CCDC148: variants seen among roughly 807,000 people sequenced by gnomAD.
CCDC148 encodes the protein coiled-coil domain containing 148.
A neutral mutation model predicts 85.7 loss-of-function variants in CCDC148; 89 were observed. The ratio of observed to expected loss-of-function variants is 1.04; its 90% CI spans 0.87 to 1.24. The LOEUF is 1.24. CCDC148 is among the 50% of genes most tolerant of loss of function. The probability of loss-of-function intolerance (pLI) is 0.00; values close to 1 mark genes in which losing one functional copy is unlikely to be tolerated. For synonymous variants in CCDC148, 230 were observed against 213.9 expected (o/e 1.08, Z -0.66); for missense variants, 692 against 671.7 (o/e 1.03, Z -0.33).
intron 11 of CCDC148, among the ~76,000 whole-genome samples, chr2:158,197,071 T>A (rs925000834): frequency 2.0e-5 from 3 of 152,134 alleles, no homozygotes; most frequent in Non-Finnish European, 2.9e-5. Flanking sequence ...AGACTCTTTA[T>A]GTGGCAATGA....
intron 8 of CCDC148, 27 bp downstream of exon 8, chr2:158,313,729 C>A (rs1559064064): frequency 1.9e-6 from 3 of 1,575,122 alleles, no homozygotes; most frequent in African/African-American, 1.4e-5. Context: ...TTTAACTTGC[C>A]AGTATGTAGG....
intron 9 of CCDC148, among the ~76,000 whole-genome samples, chr2:158,273,580 C>T (rs1227488336): frequency 6.6e-6 from 1 of 152,188 alleles, no homozygotes; most frequent in Non-Finnish European, 1.5e-5. Flanking sequence ...CTTACAGAAG[C>T]TCTCTTTGAA....
At chr2:158,297,294 C>G (rs757335452) in intron 9 of CCDC148, among the ~76,000 whole-genome samples, 1 of 152,038 alleles carries the variant, frequency 6.6e-6, no homozygotes, top group African/African-American at 2.4e-5. Context: ...GAGCAAATAC[C>G]CCCTAAATGA....
intron 9 of CCDC148, among the ~76,000 whole-genome samples, chr2:158,287,468 A>T (rs993854613): frequency 1.3e-5 from 2 of 152,202 alleles, no homozygotes; most frequent in African/African-American, 4.8e-5. Context: ...GTGGGGGTAC[A>T]GGCATTGAGT....
At chr2:158,258,697 G>A (rs966015797) in intron 9 of CCDC148, among the ~76,000 whole-genome samples, 10 of 151,702 alleles carry the variant, frequency 6.6e-5, no homozygotes, top group African/African-American at 2.4e-4. Flanking sequence ...AACCCATTCA[G>A]TTCTCTCTAT....
intron 1 of CCDC148, among the ~76,000 whole-genome samples, chr2:158,364,874 C>G (rs554706091): frequency 1.3e-5 from 2 of 152,208 alleles, no homozygotes; most frequent in African/African-American, 4.8e-5. Flanking sequence ...AGTGAACAGG[C>G]AATCTACAGA....
intron 7 of CCDC148, among the ~76,000 whole-genome samples, chr2:158,328,397 T>A (rs1692904114): frequency 6.6e-6 from 1 of 152,240 alleles, no homozygotes; most frequent in Admixed American, 6.5e-5. Context: ...CCACATTTTC[T>A]TAATCCAGTC....
At chr2:158,335,031 C>T (rs762152726) in intron 7 of CCDC148, among the ~76,000 whole-genome samples, 18 of 152,070 alleles carry the variant, frequency 1.2e-4, no homozygotes, top group Non-Finnish European at 2.1e-4. Flanking sequence ...AAAGCCAAGT[C>T]ACACTGGTTT....
chr2:158,419,305 G>T (rs954490772), intron 1 of CCDC148, among the ~76,000 whole-genome samples: 2 of 152,146 alleles, frequency 1.3e-5, no homozygotes, highest in Non-Finnish European at 2.9e-5. Flanking sequence ...GTTATATTAA[G>T]AATGAGTCAC....
At chr2:158,202,990 A>G (rs1462946276) in intron 11 of CCDC148, among the ~76,000 whole-genome samples, 1 of 152,156 alleles carries the variant, frequency 6.6e-6, no homozygotes, top group Non-Finnish European at 1.5e-5. Flanking sequence ...TTCAGCAGAG[A>G]GCAGGAGAGT....
chr2:158,410,317 C>A (rs1686204247), intron 1 of CCDC148, among the ~76,000 whole-genome samples: 1 of 152,070 alleles, frequency 6.6e-6, no homozygotes, highest in Non-Finnish European at 1.5e-5. Context: ...GCCACTCTAG[C>A]CTTTTATTAG....
intron 9 of CCDC148, among the ~76,000 whole-genome samples, chr2:158,251,983 C>T (rs1242856254): frequency 2.6e-5 from 4 of 151,580 alleles, no homozygotes; most frequent in Admixed American, 2.6e-4. Flanking sequence ...AAGCAGGAAA[C>T]CAATGAAACT....
chr2:158,309,099 C>A lies in CCDC148; in HGVS notation c.1110+334G>T, dbSNP rs1302148869. Among the ~76,000 whole-genome samples, 7 of 152,296 alleles carry A rather than the reference C, an allele frequency of 4.6e-5. No individual in the cohort carries two copies. In the East Asian group the frequency reaches 1.4e-3, roughly 29 times the overall value. ...ATGAGAAGTCCAAGAGTCTTTAGAT[C>A]AGCATTAGACAGTAACTTTATCATT... On this transcript the variant is annotated intron_variant, in intron 9 of 13. Coordinates refer to ENST00000283233, the MANE Select transcript of CCDC148 (RefSeq NM_138803.4).
intron 9 of CCDC148, among the ~76,000 whole-genome samples, chr2:158,279,812 G>A (rs1004963721): frequency 6.6e-6 from 1 of 151,624 alleles, no homozygotes; most frequent in African/African-American, 2.4e-5. Context: ...CCAACTCCAA[G>A]ACACATAATT....
rs111613161 is a variant in CCDC148, at chr2:158,226,464, C to T, written c.1252-5751G>A. ...TCCCTAACTCATTTTATGAGGCCAG[C>T]ATCATCCTGATTCCAAAGCCTGCCA... is the stretch of plus-strand genomic sequence containing the variant. On this transcript the variant is annotated intron_variant, in intron 10 of 13. Coordinates refer to ENST00000283233, the MANE Select transcript of CCDC148 (RefSeq NM_138803.4). Among the ~76,000 whole-genome samples, 25 of 151,912 alleles carry T rather than the reference C, an allele frequency of 1.6e-4. No individual in the cohort carries two copies. In the East Asian group the frequency reaches 4.5e-3, roughly 27 times the overall value.
intron 11 of CCDC148, among the ~76,000 whole-genome samples, chr2:158,205,539 T>G (rs1686196562): frequency 6.6e-6 from 1 of 152,166 alleles, no homozygotes; most frequent in Admixed American, 6.5e-5. Context: ...TTAATTCTGC[T>G]AACAATCATT....
chr2:158,355,058 A>C (rs1206181190), intron 2 of CCDC148, among the ~76,000 whole-genome samples: 9 of 152,034 alleles, frequency 5.9e-5, no homozygotes, highest in Non-Finnish European at 1.3e-4. Flanking sequence ...TCAATAAATT[A>C]GGTATTGATG....
intron 9 of CCDC148, among the ~76,000 whole-genome samples, chr2:158,285,331 T>C (rs891031181): frequency 6.8e-6 from 1 of 148,012 alleles, no homozygotes; most frequent in Non-Finnish European, 1.5e-5. Flanking sequence ...TAACGGCAGA[T>C]GAGAAATAGC....
In CCDC148 at chr2:158,185,811, A is replaced by G. The variant is rs570012731; in HGVS notation, c.1371-6815T>C. Among the ~76,000 whole-genome samples, 5 of 152,184 alleles carry G rather than the reference A, an allele frequency of 3.3e-5. No homozygotes were observed. In the South Asian group the frequency reaches 6.2e-4, roughly 19 times the overall value. On this transcript the variant is annotated intron_variant, in intron 11 of 13. Coordinates refer to ENST00000283233, the MANE Select transcript of CCDC148 (RefSeq NM_138803.4). ...TTTACATATCTTCAACATTTTCCTC[A>G]ACTACTCCTTTCCAATAACATTCCA...
Sources: gnomAD v4.1 joint callset for allele counts (sites outside exome capture counted in the v4.1 genomes callset) on GRCh38, gnomAD v4.1.1 for gene constraint, MANE v1.5 for transcripts, NCBI Gene and HGNC (gene_info 2026-07-23, HGNC 2026-07-21) for gene names.